RARB: variants seen among roughly 807,000 people sequenced by gnomAD.
RARB encodes retinoic acid receptor beta.
RARB carries 17 observed loss-of-function variants against 51.9 expected under a neutral mutation model. That is an observed-to-expected ratio of 0.33 (90% CI 0.22 to 0.49). The LOEUF (loss-of-function observed/expected upper bound fraction) is 0.49. RARB is among the 20% of genes least tolerant of loss of function. The probability of loss-of-function intolerance (pLI) is 0.99; values close to 1 mark genes in which losing one functional copy is unlikely to be tolerated. For missense variants in RARB, 369 were observed against 550.8 expected (o/e 0.67, Z 3.30); for synonymous variants, 215 against 195.4 (o/e 1.10, Z -0.84).
Position 25,368,477 on chromosome 3 carries a change from A to C in RARB, c.179-92716A>C, listed in dbSNP as rs368180218. The stretch of plus-strand genomic sequence containing the variant: ...TATACACAAGCAGGCAAGTTCAAAG[A>C]TGTTTACTGTAATATATTATTTGTG... On this transcript the variant is annotated intron_variant, in intron 5 of 11. Transcript: ENST00000383772. Among the ~76,000 whole-genome samples, 14 of 152,316 alleles carry C rather than the reference A, an allele frequency of 9.2e-5. No individual in the cohort carries two copies. In the East Asian group the frequency reaches 2.5e-3, roughly 27 times the overall value.
At chr3:24,878,372 T>TC (rs1477636902) in intron 2 of RARB, among the ~76,000 whole-genome samples, 1 of 152,004 alleles carries the variant, frequency 6.6e-6, no homozygotes, top group Non-Finnish European at 1.5e-5. Flanking sequence ...ATTTTTTTTT[T>TC]CCCTGCTTGT....
chr3:25,276,918 A>G (rs1387048801), intron 5 of RARB, among the ~76,000 whole-genome samples: 2 of 152,182 alleles, frequency 1.3e-5, no homozygotes, highest in East Asian at 3.9e-4. Context: ...TAAATTCTAG[A>G]TCTAGGACTG....
In RARB at chr3:25,479,918, A is replaced by G. The variant is rs373178441; in HGVS notation, c.306+18577A>G. Among the ~76,000 whole-genome samples, 23 of 152,346 alleles carry G rather than the reference A, an allele frequency of 1.5e-4. No individual in the cohort carries two copies. The South Asian group carries it at 2.7e-3, about 18-fold the overall frequency. On this transcript the variant is annotated intron_variant, in intron 2 of 7. Coordinates refer to ENST00000330688, the MANE Select transcript of RARB (RefSeq NM_000965.5). ...CAGTGCAATAACGAGGAAGCTGGAAAAGAACTTGAATGACCCACAAAATGC... is the reference window on the plus strand; with the variant it reads ...CAGTGCAATAACGAGGAAGCTGGAAGAGAACTTGAATGACCCACAAAATGC...
chr3:25,385,949 C>A lies in RARB; in HGVS notation c.179-75244C>A, dbSNP rs147370130. 6.6e-5 allele frequency among the ~76,000 whole-genome samples: 10 copies of A among 152,274 alleles called. No individual in the cohort carries two copies. In the East Asian group the frequency reaches 1.5e-3, roughly 24 times the overall value. On this transcript the variant is annotated intron_variant, in intron 5 of 11. Coordinates refer to the RARB transcript ENST00000383772. ...GAATCCAGAGATCTGGGAGGGGCCCCAGTTTCTGCTTTCCTCAAGCTTGTT... is the reference window on the plus strand; with the variant it reads ...GAATCCAGAGATCTGGGAGGGGCCCAAGTTTCTGCTTTCCTCAAGCTTGTT...
chr3:25,499,291 A>T (rs981947801), intron 2 of RARB, among the ~76,000 whole-genome samples: 14 of 152,014 alleles, frequency 9.2e-5, no homozygotes, highest in African/African-American at 2.9e-4. Context: ...AACACATTTG[A>T]TGATGTGTTT....
At chr3:25,191,270 A>G (rs558011279) in intron 5 of RARB, among the ~76,000 whole-genome samples, 1 of 152,202 alleles carries the variant, frequency 6.6e-6, no homozygotes, top group East Asian at 1.9e-4. Flanking sequence ...GTGGGACAAT[A>G]TTATTCCCTT....
intron 5 of RARB, among the ~76,000 whole-genome samples, chr3:25,307,601 A>G (rs1704184431): frequency 6.6e-6 from 1 of 152,138 alleles, no homozygotes; most frequent in African/African-American, 2.4e-5. Flanking sequence ...AGGTATTATC[A>G]CAAATATTTG....
chr3:24,964,054 C>T (rs1440671489), intron 2 of RARB, among the ~76,000 whole-genome samples: 1 of 152,056 alleles, frequency 6.6e-6, no homozygotes, highest in Non-Finnish European at 1.5e-5. Flanking sequence ...GTTTTTCATT[C>T]TCCTTGTTTT....
chr3:25,200,943 A>G (rs533801160), intron 5 of RARB, among the ~76,000 whole-genome samples: 5 of 152,286 alleles, frequency 3.3e-5, no homozygotes, highest in South Asian at 2.1e-4. Context: ...TTGGTTCCAT[A>G]TGAAGTGTAA....
chr3:25,267,344 GA>G (rs1703150669), intron 5 of RARB, among the ~76,000 whole-genome samples: 1 of 152,198 alleles, frequency 6.6e-6, no homozygotes, highest in Non-Finnish European at 1.5e-5. Flanking sequence ...TTAAAGCAGT[GA>G]AGGCCTCTCT....
At chr3:25,028,342 C>G (rs914296480) in intron 2 of RARB, among the ~76,000 whole-genome samples, 1 of 152,216 alleles carries the variant, frequency 6.6e-6, no homozygotes, top group African/African-American at 2.4e-5. Flanking sequence ...GTCAGGCTTT[C>G]TCTCATTCTT....
At chr3:25,386,074 T>C (rs569514044) in intron 5 of RARB, among the ~76,000 whole-genome samples, 152 of 152,228 alleles carry the variant, frequency 1.0e-3, no homozygotes, top group African/African-American at 3.5e-3. Flanking sequence ...CTTGTAACCT[T>C]GAAGGATCCA....
chr3:24,878,795 G>A (rs1355651484), intron 2 of RARB, among the ~76,000 whole-genome samples: 1 of 152,196 alleles, frequency 6.6e-6, no homozygotes. Flanking sequence ...AGCCCCTGGT[G>A]TCAGAATCTT....
At chr3:25,549,814 A>G (rs1177117641) in intron 3 of RARB, among the ~76,000 whole-genome samples, 1 of 151,326 alleles carries the variant, frequency 6.6e-6, no homozygotes, top group Non-Finnish European at 1.5e-5. Context: ...CCATTCTTTC[A>G]TGGTCATGGC....
At chr3:25,541,486 G>T (rs1476507647) in intron 3 of RARB, among the ~76,000 whole-genome samples, 4 of 152,162 alleles carry the variant, frequency 2.6e-5, no homozygotes, top group Non-Finnish European at 5.9e-5. Context: ...TACGTTTGTT[G>T]AATGGATGAA....
intron 5 of RARB, among the ~76,000 whole-genome samples, chr3:25,217,111 C>T (rs1595160): frequency 0.47 from 71,801 of 151,962 alleles, 17,934 homozygotes; most frequent in East Asian, 0.67. Context: ...TAGGAGGAAG[C>T]GGTGATATTG....
chr3:25,432,625 T>G (rs1708254347), intron 1 of RARB, among the ~76,000 whole-genome samples: 1 of 151,980 alleles, frequency 6.6e-6, no homozygotes, highest in South Asian at 2.1e-4. Context: ...AAAGTTCTTC[T>G]GGATATCAGA....
intron 3 of RARB, among the ~76,000 whole-genome samples, chr3:25,065,419 T>G (rs1259357019): frequency 6.6e-6 from 1 of 152,182 alleles, no homozygotes; most frequent in African/African-American, 2.4e-5. Context: ...TTAAACTTTT[T>G]TAGTAGAATA....
At chr3:25,238,057 T>G (rs1702343805) in intron 5 of RARB, among the ~76,000 whole-genome samples, 1 of 152,142 alleles carries the variant, frequency 6.6e-6, no homozygotes. Flanking sequence ...TACAACACAT[T>G]GCTGTTACCT....
Sources: allele counts gnomAD v4.1 joint callset (sites outside exome capture counted in the v4.1 genomes callset), GRCh38; gene constraint gnomAD v4.1.1; transcripts MANE v1.5; gene names NCBI Gene and HGNC (gene_info 2026-07-23, HGNC 2026-07-21).